The following RERG variants were observed in gnomAD, a reference collection of about 807,000 sequenced individuals.
RERG encodes the protein ras-related and estrogen-regulated growth inhibitor.
A neutral mutation model predicts 23.2 loss-of-function variants in RERG; 25 were observed. That is an observed-to-expected ratio of 1.08 (90% CI 0.79 to 1.50). The LOEUF is 1.50. Ranked by LOEUF, RERG falls within the 40% of genes most tolerant of loss-of-function variation. The pLI, the probability that RERG is intolerant of heterozygous loss-of-function variation, is 0.00. For missense variants in RERG, 253 were observed against 250.1 expected, an observed-to-expected ratio of 1.01 and a Z score of -0.08; for synonymous variants, 81 against 89.1, an observed-to-expected ratio of 0.91 and a Z score of 0.51.
chr12:15,171,263 GTCT>G (rs1864774573), intron 2 of RERG, among the ~76,000 whole-genome samples: 1 of 152,186 alleles, frequency 6.6e-6, no homozygotes, highest in Non-Finnish European at 1.5e-5. Context: ...CCGCCTTGTG[GTCT>G]TCTGATTTTT....
chr12:15,187,146 T>C (rs1173045134), intron 2 of RERG, among the ~76,000 whole-genome samples: 2 of 151,902 alleles, frequency 1.3e-5, no homozygotes, highest in Non-Finnish European at 2.9e-5. Flanking sequence ...TTTGAGGAGA[T>C]GGTGGGAGGA....
At chr12:15,158,699 T>G (rs565350728) in intron 2 of RERG, among the ~76,000 whole-genome samples, 1 of 152,306 alleles carries the variant, frequency 6.6e-6, no homozygotes, top group East Asian at 1.9e-4. Context: ...TGTCTAATAC[T>G]TCCTCATAAT....
intron 2 of RERG, among the ~76,000 whole-genome samples, chr12:15,153,072 C>A (rs16910652): frequency 1.2e-4 from 18 of 152,070 alleles, no homozygotes; most frequent in African/African-American, 3.9e-4. Flanking sequence ...CATATTTACA[C>A]TTAGCAGAGA....
chr12:15,154,318 C>T (rs1257370671), intron 2 of RERG: 1 of 152,198 alleles, frequency 6.6e-6, no homozygotes, highest in African/African-American at 2.4e-5. Flanking sequence ...TTCTGGACAA[C>T]CTCATACTGC....
chr12:15,217,398 C>A (rs1002042394), intron 2 of RERG, 31 bp downstream of exon 2: 8 of 1,496,560 alleles, frequency 5.3e-6, no homozygotes, highest in African/African-American at 2.8e-5. Flanking sequence ...CCCACACACA[C>A]ACACTATAAC....
intron 2 of RERG, among the ~76,000 whole-genome samples, chr12:15,178,952 C>G (rs1172531867): frequency 1.3e-5 from 2 of 152,136 alleles, no homozygotes; most frequent in African/African-American, 2.4e-5. Flanking sequence ...ATTGTCAATA[C>G]TTTGTATTGA....
In RERG at chr12:15,156,721, C is replaced by T. The variant is rs547154333; in HGVS notation, c.62-35602G>A. On this transcript the variant is annotated intron_variant, in intron 2 of 4. Coordinates refer to ENST00000256953, the MANE Select transcript of RERG (RefSeq NM_032918.3). ...ATGGTATTATCATTGCTTTGCGAGT[C>T]CTCAGGAGAAAGAAATAGAGTGATC... Among the ~76,000 whole-genome samples, 98 of 152,226 alleles carry T rather than the reference C, an allele frequency of 6.4e-4. No individual in the cohort carries two copies. The South Asian group carries it at 0.013, about 20-fold the overall frequency.
intron 2 of RERG, among the ~76,000 whole-genome samples, chr12:15,167,917 T>A (rs1864719507): frequency 6.6e-6 from 1 of 152,162 alleles, no homozygotes; most frequent in Non-Finnish European, 1.5e-5. Context: ...AAATTGCCCT[T>A]TGAAAGTTGA....
At chr12:15,111,479 C>A in intron 3 of RERG, 62 bp from the exon 4 acceptor site, 2 of 1,341,444 alleles carry the variant, frequency 1.5e-6, no homozygotes, top group Non-Finnish European at 2.1e-6. Flanking sequence ...TAATTTGATC[C>A]TTAAAACTGA....
rs575558791 is a variant in RERG, at chr12:15,218,809, G to A, written c.-114-1206C>T. On this transcript the variant is annotated intron_variant, in intron 1 of 4. Coordinates refer to ENST00000256953, the MANE Select transcript of RERG (RefSeq NM_032918.3). ...TGTTCTTCCCGGAATGTACACTCTC[G>A]TTTATGTTTTTTTGACCTTCACTCC... 5.9e-5 allele frequency among the ~76,000 whole-genome samples: 9 copies of A among 151,946 alleles called. No individual in the cohort carries two copies. In the South Asian group the frequency reaches 8.3e-4, roughly 14 times the overall value.
intron 2 of RERG, among the ~76,000 whole-genome samples, chr12:15,151,445 A>G (rs551929986): frequency 1.3e-5 from 2 of 152,330 alleles, no homozygotes; most frequent in South Asian, 2.1e-4. Flanking sequence ...TTTGAAAGTA[A>G]TAAGTGGTAG....
chr12:15,140,804 C>T (rs955749328), intron 2 of RERG, among the ~76,000 whole-genome samples: 4 of 151,990 alleles, frequency 2.6e-5, no homozygotes, highest in African/African-American at 7.2e-5. Flanking sequence ...AAGATCTTCC[C>T]CCCATGCCAG....
At chr12:15,115,456 G>A (rs1863702804) in intron 3 of RERG, among the ~76,000 whole-genome samples, 1 of 152,078 alleles carries the variant, frequency 6.6e-6, no homozygotes, top group African/African-American at 2.4e-5. Context: ...AAAGGAAAGA[G>A]GAAGGCAGTG....
intron 2 of RERG, among the ~76,000 whole-genome samples, chr12:15,208,345 C>T (rs535449978): frequency 1.3e-5 from 2 of 152,262 alleles, no homozygotes; most frequent in African/African-American, 4.8e-5. Flanking sequence ...GATCTACTTC[C>T]GGTCATGTTG....
intron 3 of RERG, among the ~76,000 whole-genome samples, chr12:15,117,387 T>C: frequency 6.6e-6 from 1 of 152,182 alleles, no homozygotes. Context: ...TAAATAATTC[T>C]ATGAGTTGGC....
At chr12:15,110,230 A>G (rs998564082) in intron 4 of RERG, among the ~76,000 whole-genome samples, 3 of 152,098 alleles carry the variant, frequency 2.0e-5, no homozygotes, top group Admixed American at 6.5e-5. Flanking sequence ...CCCGGGTTCA[A>G]ATGACTTCTG....
intron 2 of RERG, among the ~76,000 whole-genome samples, chr12:15,173,287 G>T (rs902254653): frequency 1.3e-5 from 2 of 151,746 alleles, no homozygotes; most frequent in Non-Finnish European, 2.9e-5. Flanking sequence ...TAAATATATG[G>T]GTTTATTTCT....
At chr12:15,196,520 G>A (rs769677981) in intron 2 of RERG, among the ~76,000 whole-genome samples, 1 of 152,150 alleles carries the variant, frequency 6.6e-6, no homozygotes, top group Non-Finnish European at 1.5e-5. Context: ...CTAAGCCCTG[G>A]TATGAAGGTC....
intron 2 of RERG, among the ~76,000 whole-genome samples, chr12:15,189,967 A>G (rs1053555372): frequency 1.3e-5 from 2 of 152,180 alleles, no homozygotes; most frequent in Admixed American, 1.3e-4. Context: ...ATAATTCTCT[A>G]TCCATTTCTA....
Sources: gnomAD v4.1 joint callset for allele counts (sites outside exome capture counted in the v4.1 genomes callset) on GRCh38, gnomAD v4.1.1 for gene constraint, MANE v1.5 for transcripts, NCBI Gene and HGNC (gene_info 2026-07-23, HGNC 2026-07-21) for gene names.